The following ZFHX3 variants were observed in gnomAD, a reference collection of about 807,000 sequenced individuals.
ZFHX3 encodes zinc finger homeobox protein 3.
ZFHX3 carries 42 observed loss-of-function variants against 279.1 expected under a neutral mutation model. The ratio of observed to expected loss-of-function variants is 0.15; its 90% CI spans 0.12 to 0.19. The LOEUF (loss-of-function observed/expected upper bound fraction) is 0.19. Among genes scored for constraint, ZFHX3 ranks in the 10% least tolerant of loss-of-function variants. ZFHX3 has a pLI of 1.00. For synonymous variants in ZFHX3, 2,293 were observed against 1,957.8 expected, an observed-to-expected ratio of 1.17 and a Z score of -4.52; for missense variants, 4,981 against 4,754.0, an observed-to-expected ratio of 1.05 and a Z score of -1.40.
Position 72,971,967 on chromosome 16 carries a change from C to A in ZFHX3, c.-49-11773G>T, listed in dbSNP as rs548860053. 1.9e-3 allele frequency among the ~76,000 whole-genome samples: 276 copies of A among 148,628 alleles called. 1 individual carries two copies. The highest frequency in any genetic ancestry group is 0.011 in the South Asian group (51 of 4,650). On this transcript the variant is annotated intron_variant, in intron 1 of 9. Transcript: ENST00000268489. ...ATGGGGCGATCTCAGCTCACTGCAACCTCCACCTCCTGCATTCAAGCGATT... is the reference window on the plus strand; with the variant it reads ...ATGGGGCGATCTCAGCTCACTGCAAACTCCACCTCCTGCATTCAAGCGATT...
chr16:73,499,185 A>G (rs190970056), intron 2 of ZFHX3: 90 of 152,312 alleles, frequency 5.9e-4, no homozygotes, highest in African/African-American at 2.1e-3. Flanking sequence ...TCAGTCCCTC[A>G]GGTCCTTTGC....
intron 2 of ZFHX3, among the ~76,000 whole-genome samples, chr16:73,555,663 T>G (rs1422875118): frequency 6.6e-6 from 1 of 151,578 alleles, no homozygotes; most frequent in Non-Finnish European, 1.5e-5. Flanking sequence ...AAACCCCATC[T>G]CTACTAAAAA....
chr16:73,527,959 G>C (rs1354291189), intron 2 of ZFHX3, among the ~76,000 whole-genome samples: 1 of 152,220 alleles, frequency 6.6e-6, no homozygotes, highest in Non-Finnish European at 1.5e-5. Flanking sequence ...ATAGATGCTT[G>C]TTGTTGTTTC....
intron 5 of ZFHX3, among the ~76,000 whole-genome samples, chr16:73,151,646 A>G (rs1966944660): frequency 1.3e-5 from 2 of 152,084 alleles, no homozygotes; most frequent in Admixed American, 1.3e-4. Context: ...CAGGTGCCCG[A>G]GAAATAAAAA....
chr16:73,698,539 T>G (rs2053218463), intron 1 of ZFHX3, among the ~76,000 whole-genome samples: 1 of 152,170 alleles, frequency 6.6e-6, no homozygotes, highest in Non-Finnish European at 1.5e-5. Context: ...TCGTCAGTAA[T>G]AAGACATATT....
chr16:73,852,443 A>C (rs867031487), intron 1 of ZFHX3, among the ~76,000 whole-genome samples: 10 of 152,266 alleles, frequency 6.6e-5, no homozygotes, highest in Middle Eastern at 3.4e-3. Flanking sequence ...CAGTTGGGTT[A>C]TTTTAGTGAT....
At chr16:73,762,850 A>C (rs551715096) in intron 1 of ZFHX3, among the ~76,000 whole-genome samples, 1 of 152,258 alleles carries the variant, frequency 6.6e-6, no homozygotes, top group African/African-American at 2.4e-5. Context: ...GAGGGAGAAC[A>C]TCAGGAAAAA....
At chr16:73,514,323 T>A (rs1279653340) in intron 2 of ZFHX3, among the ~76,000 whole-genome samples, 1 of 152,216 alleles carries the variant, frequency 6.6e-6, no homozygotes, top group Non-Finnish European at 1.5e-5. Flanking sequence ...ATTTGTTAAG[T>A]GAATACTATT....
At chr16:73,483,561 G>A (rs1280542853) in intron 2 of ZFHX3, 2 of 353,154 alleles carry the variant, frequency 5.7e-6, no homozygotes, top group Non-Finnish European at 1.1e-5. Flanking sequence ...AAATCCGTCA[G>A]CTGCCTACAA....
At chr16:73,687,317 G>T (rs193298162) in intron 1 of ZFHX3, among the ~76,000 whole-genome samples, 276 of 151,182 alleles carry the variant, frequency 1.8e-3, no homozygotes, top group African/African-American at 6.6e-3. Context: ...ACTTGAGCTT[G>T]GGAGGTGGAG....
intron 1 of ZFHX3, among the ~76,000 whole-genome samples, chr16:73,041,760 A>C (rs1227600656): frequency 1.3e-5 from 2 of 151,892 alleles, no homozygotes; most frequent in Non-Finnish European, 2.9e-5. Flanking sequence ...GATACTCCAC[A>C]AAAAAAAGCG....
chr16:73,198,900 C>T (rs538232184), intron 5 of ZFHX3, among the ~76,000 whole-genome samples: 1 of 152,286 alleles, frequency 6.6e-6, no homozygotes, highest in South Asian at 2.1e-4. Flanking sequence ...TCAGTTCTGC[C>T]TTCTCAAAGC....
At chr16:73,423,200 A>G (rs2017749913) in intron 3 of ZFHX3, among the ~76,000 whole-genome samples, 1 of 150,190 alleles carries the variant, frequency 6.7e-6, no homozygotes, top group Non-Finnish European at 1.5e-5. Context: ...AATTCATCCT[A>G]TAACACCACC....
intron 4 of ZFHX3, among the ~76,000 whole-genome samples, chr16:73,258,289 T>G (rs2013715114): frequency 6.6e-6 from 1 of 151,886 alleles, no homozygotes; most frequent in Non-Finnish European, 1.5e-5. Flanking sequence ...AGCCCAGAAT[T>G]ATTTGACTTC....
chr16:73,561,100 G>C (rs1261740559), intron 2 of ZFHX3, among the ~76,000 whole-genome samples: 1 of 152,166 alleles, frequency 6.6e-6, no homozygotes, highest in Non-Finnish European at 1.5e-5. Context: ...ATTATTTGTT[G>C]ATTATCTGAA....
At chr16:72,922,639 A>G (rs1427143601) in intron 3 of ZFHX3, among the ~76,000 whole-genome samples, 1 of 152,180 alleles carries the variant, frequency 6.6e-6, no homozygotes, top group Non-Finnish European at 1.5e-5. Flanking sequence ...GCCTTATGGA[A>G]CGACCGTCAC....
chr16:73,230,120 G>A (rs766684875), intron 5 of ZFHX3, among the ~76,000 whole-genome samples: 10 of 152,242 alleles, frequency 6.6e-5, no homozygotes, highest in Middle Eastern at 6.8e-3. Context: ...ATGAGTAGCG[G>A]GATGCACATG....
In ZFHX3 at chr16:73,119,048, A is replaced by C. The variant is rs530878302; in HGVS notation, c.-897+11920T>G. On this transcript the variant is annotated intron_variant, in intron 7 of 17. Coordinates refer to the ZFHX3 transcript ENST00000641206. ...TGTCCTGGGATGGTACTATCATGTAAATTTCAGGAATCCTACTTGAAATGA... is the reference window on the plus strand; with the variant it reads ...TGTCCTGGGATGGTACTATCATGTACATTTCAGGAATCCTACTTGAAATGA... 2.5e-4 allele frequency among the ~76,000 whole-genome samples: 38 copies of C among 152,210 alleles called. 2 individuals carry two copies. In the South Asian group the frequency reaches 7.5e-3, roughly 30 times the overall value.
intron 1 of ZFHX3, among the ~76,000 whole-genome samples, chr16:73,860,962 A>T (rs1961867099): frequency 6.7e-6 from 1 of 149,892 alleles, no homozygotes; most frequent in African/African-American, 2.5e-5. Flanking sequence ...TGGAAATAAC[A>T]CTGCTTGTAT....
Sources: gnomAD v4.1 joint callset for allele counts (sites outside exome capture counted in the v4.1 genomes callset) on GRCh38, gnomAD v4.1.1 for gene constraint, MANE v1.5 for transcripts, NCBI Gene and HGNC (gene_info 2026-07-23, HGNC 2026-07-21) for gene names.